SLC25A1: variants seen among roughly 807,000 people sequenced by gnomAD.
SLC25A1 encodes the protein tricarboxylate transport protein, mitochondrial.
In SLC25A1, 26 loss-of-function variants were observed where a neutral mutation model predicts 38.1. That is an observed-to-expected ratio of 0.68 (90% confidence interval 0.50 to 0.95). SLC25A1 has a LOEUF of 0.95. SLC25A1 is among the 40% of genes least tolerant of loss of function. SLC25A1 has a pLI of 0.00. For missense variants in SLC25A1, 378 were observed against 426.6 expected (o/e 0.89, Z 1.00); for synonymous variants, 211 against 183.2 (o/e 1.15, Z -1.23).
chr22:19,177,532 C>T (rs1344805803), intron 4 of SLC25A1, among the ~76,000 whole-genome samples, 195 bp downstream of exon 4: 1 of 152,250 alleles, frequency 6.6e-6, no homozygotes, highest in Non-Finnish European at 1.5e-5. Flanking sequence ...CTGCCTTTAG[C>T]ATAGACTCAG....
chr22:19,177,226 G>A (rs782444249), intron 4 of SLC25A1, 22 bp from the exon 5 acceptor site: 16 of 1,605,770 alleles, frequency 1.0e-5, no homozygotes, highest in South Asian at 9.9e-5. Context: ...AAGCAAAGGC[G>A]CAGGTTCTCG....
Position 19,176,504 on chromosome 22 carries a change from A to T in SLC25A1, c.748-10T>A. 1 of 1,613,528 alleles carries T rather than the reference A, an allele frequency of 6.2e-7. No homozygotes were observed. On this transcript the variant is annotated splice_polypyrimidine_tract_variant and intron_variant, in intron 7 of 8. Coordinates refer to ENST00000215882, the MANE Select transcript of SLC25A1 (RefSeq NM_005984.5). ...TGTGCGCCTCCAGGCCCTATGGGGG[A>T]CATCAGCAGGCAGGGGCTCAGCAGC...
At chr22:19,177,639 GC>G in intron 4 of SLC25A1, 87 bp downstream of exon 4, 1 of 1,558,666 alleles carries the variant, frequency 6.4e-7, no homozygotes, top group Non-Finnish European at 8.7e-7. Flanking sequence ...TCCCCAGCTT[GC>G]CGGTTGCCCC....
chr22:19,176,025 G>A lies in SLC25A1; in HGVS notation c.*105C>T. 1 of 874,580 alleles carries A rather than the reference G, an allele frequency of 1.1e-6. No homozygotes were observed. Among genetic ancestry groups the A allele is most frequent in the East Asian group, 2.4e-5 (1 of 40,848 alleles). The allele number at this position is 874,580 out of a possible 1,614,324, so 54.2% of individuals were successfully genotyped here. A position where few individuals can be genotyped will look rare whatever the true frequency, so the allele number is the denominator to read the frequency against. On this transcript the variant is annotated 3_prime_UTR_variant, in exon 9 of 9. Transcript: ENST00000215882. The stretch of plus-strand genomic sequence containing the variant: ...ACAGACCAGGCTACAGAGCTCGAGG[G>A]ACGTGGGAAGGGGCCTTTTGGCACT...
intron 4 of SLC25A1, 135 bp downstream of exon 4, chr22:19,177,592 G>A (rs1208706479): frequency 1.6e-6 from 2 of 1,261,780 alleles, no homozygotes; most frequent in African/African-American, 3.0e-5. Flanking sequence ...GGGCCCCGCG[G>A]TCACCCCGCC....
Position 19,178,074 on chromosome 22 carries a change from C to A in SLC25A1, c.203-33G>T, listed in dbSNP as rs1314919986. On this transcript the variant is annotated intron_variant, in intron 2 of 8. Coordinates refer to ENST00000215882, the MANE Select transcript of SLC25A1 (RefSeq NM_005984.5). The surrounding 1 kb of genome is among the most constrained non-coding windows in gnomAD (Gnocchi z 4.9). ...AGGGGGCGGTCAGGACCCCACGGCC[C>A]TCGGTGCCGCCGCCCTGGGTACCCG... The A allele has an allele frequency of 2.6e-6, 4 of 1,548,354 alleles. No homozygotes were observed. In the Admixed American group the frequency reaches 8.0e-5, roughly 31 times the overall value.
In SLC25A1 at chr22:19,178,397, C is replaced by T. The variant is rs2084007103; in HGVS notation, c.95-157G>A. On this transcript the variant is annotated intron_variant, in intron 1 of 8. Coordinates refer to ENST00000215882, the MANE Select transcript of SLC25A1 (RefSeq NM_005984.5). The surrounding 1 kb of genome is among the most constrained non-coding windows in gnomAD (Gnocchi z 4.9). ...CCCCCATGCCCTCACCCCGTTGTCCCGGCGAGGCGCAGGGGGTGACAGACG... is the reference window on the plus strand; with the variant it reads ...CCCCCATGCCCTCACCCCGTTGTCCTGGCGAGGCGCAGGGGGTGACAGACG... 6 of 1,397,336 alleles carry T rather than the reference C, an allele frequency of 4.3e-6. No homozygotes were observed. The highest frequency in any genetic ancestry group is 5.6e-6 in the Non-Finnish European group (6 of 1,079,604). The allele number at this position is 1,397,336 out of a possible 1,614,324, so 86.6% of individuals were successfully genotyped here.
In SLC25A1 at chr22:19,178,254, G is replaced by A; in HGVS notation, c.95-14C>T. 1 of 1,544,454 alleles carries A rather than the reference G, an allele frequency of 6.5e-7. No individual in the cohort carries two copies. The highest frequency in any genetic ancestry group is 1.2e-5 in the South Asian group (1 of 83,444). ...CCGCCAGGCCGCCTGCAGGGACCGG[G>A]AACCCGCTCCTGAGACTCCCGCCCG... On this transcript the variant is annotated splice_polypyrimidine_tract_variant and intron_variant, in intron 1 of 8. Coordinates refer to ENST00000215882, the MANE Select transcript of SLC25A1 (RefSeq NM_005984.5). This position sits in a 1 kb window ranked among gnomAD's most constrained non-coding sequence, Gnocchi z 4.9.
intron 6 of SLC25A1, 36 bp from the exon 7 acceptor site, chr22:19,176,729 C>A: frequency 6.3e-7 from 1 of 1,596,638 alleles, no homozygotes; most frequent in Non-Finnish European, 8.6e-7. Flanking sequence ...TCAGAGGGTG[C>A]CGGGAGGGGC....
chr22:19,176,003 G>T lies in SLC25A1; in HGVS notation c.*127C>A. ...ATGGATTTGACAGCCACAATGCACA[G>T]ACCAGGCTACAGAGCTCGAGGGACG... On this transcript the variant is annotated 3_prime_UTR_variant, in exon 9 of 9. Coordinates refer to ENST00000215882, the MANE Select transcript of SLC25A1 (RefSeq NM_005984.5). The T allele has an allele frequency of 1.4e-6, 1 of 726,876 alleles. No individual in the cohort carries two copies. Among genetic ancestry groups the T allele is most frequent in the Non-Finnish European group, 2.4e-6 (1 of 411,196 alleles). The allele number at this position is 726,876 out of a possible 1,614,324, so 45.0% of individuals were successfully genotyped here.
intron 5 of SLC25A1, 70 bp from the exon 6 acceptor site, chr22:19,177,020 G>T (rs2083972345): frequency 1.3e-6 from 2 of 1,585,216 alleles, no homozygotes; most frequent in Non-Finnish European, 8.7e-7. Context: ...TGTGTGTGGG[G>T]GGTGGGTGTT....
chr22:19,177,703 G>A lies in SLC25A1; in HGVS notation c.441+24C>T, dbSNP rs2854642. ...GTCTCCGTACTCCCTGCGTGTCCGG[G>A]GTCCTCGCCAGGACCTTCCCCACCT... On this transcript the variant is annotated intron_variant, in intron 4 of 8. Transcript: ENST00000215882. 105,126 of 1,603,680 alleles carry A rather than the reference G, an allele frequency of 0.066. 3,668 individuals are homozygous for A. Among genetic ancestry groups the A allele is most frequent in the Middle Eastern group, 0.1 (452 of 4,434 alleles).
At position 19,177,860 on chromosome 22, in the gene SLC25A1, C is replaced by G. The variant is rs782590548; in HGVS notation, c.308G>C (p.Gly103Ala). Reference sequence around the variant, plus strand: ...GTGGTTGCTGAGGAACTCGAACATTCCAAACCTGGAGGCGGGAGGCGGGTG... The same window carrying G: ...GTGGTTGCTGAGGAACTCGAACATTGCAAACCTGGAGGCGGGAGGCGGGTG... ...GSIPKAAVRF[G>A]MFEFLSNHMR... Residue 103 changes from glycine (G) to alanine (A), a missense_variant, in exon 4 of 9, where the codon GGA becomes GCA. Coordinates refer to ENST00000215882, the MANE Select transcript of SLC25A1 (RefSeq NM_005984.5). The G allele has an allele frequency of 1.2e-6, 2 of 1,606,384 alleles. No individual in the cohort carries two copies. The highest frequency in any genetic ancestry group is 1.7e-6 in the Non-Finnish European group (2 of 1,177,046).
chr22:19,177,733 G>A lies in SLC25A1; in HGVS notation c.435C>T (p.Thr145=). ...TCGCCAGGACCTTCCCCACCTTGAT[G>A]GTCTCCATGGGGCACACGACCACCA... is the stretch of plus-strand genomic sequence containing the variant. ...EAVVVVCPME[T]IKVKFIHDQT... Residue 145 remains threonine (T), a synonymous_variant, in exon 4 of 9, where the codon ACC becomes ACT. Transcript: ENST00000215882. The A allele has an allele frequency of 1.9e-6, 3 of 1,607,704 alleles. No individual in the cohort carries two copies. The highest frequency in any genetic ancestry group is 1.1e-5 in the South Asian group (1 of 90,980).
At position 19,178,120 on chromosome 22, in the gene SLC25A1, T is replaced by C; in HGVS notation, c.202+13A>G. 2.0e-6 allele frequency: 3 copies of C among 1,535,434 alleles called. No homozygotes were observed. The highest frequency in any genetic ancestry group is 1.8e-6 in the Non-Finnish European group (2 of 1,140,988). On this transcript the variant is annotated intron_variant, in intron 2 of 8. Transcript: ENST00000215882. The surrounding 1 kb of genome is among the most constrained non-coding windows in gnomAD (Gnocchi z 4.9). The stretch of plus-strand genomic sequence containing the variant: ...ACCCGCCCCCCGCGGCGCCGCGGCC[T>C]CCCCCTCCTCACCGATGCCCCGGTA...
chr22:19,178,261 C>G lies in SLC25A1; in HGVS notation c.95-21G>C. The G allele has an allele frequency of 6.5e-7, 1 of 1,543,168 alleles. No homozygotes were observed. The highest frequency in any genetic ancestry group is 8.7e-7 in the Non-Finnish European group (1 of 1,143,922). ...GCCGCCTGCAGGGACCGGGAACCCG[C>G]TCCTGAGACTCCCGCCCGGCCGCTG... On this transcript the variant is annotated intron_variant, in intron 1 of 8. Coordinates refer to ENST00000215882, the MANE Select transcript of SLC25A1 (RefSeq NM_005984.5). The surrounding 1 kb of genome is among the most constrained non-coding windows in gnomAD (Gnocchi z 4.9).
chr22:19,178,631 G>C lies in SLC25A1; in HGVS notation c.43C>G (p.Pro15Ala). 1.7e-6 allele frequency: 2 copies of C among 1,192,934 alleles called. No homozygotes were observed. The highest frequency in any genetic ancestry group is 2.1e-6 in the Non-Finnish European group (2 of 963,040). The allele number at this position is 1,192,934 out of a possible 1,614,324, so 73.9% of individuals were successfully genotyped here. A position where few individuals can be genotyped will look rare whatever the true frequency, so the allele number is the denominator to read the frequency against. ...RAPRALAAAA[P>A]ASGKAKLTHP... ...GTCAGCTTGGCCTTCCCGGACGCGG[G>C]CGCGGCGGCCGCCAGAGCGCGCGGG... is the stretch of plus-strand genomic sequence containing the variant. The change falls in exon 1 of 9, where the codon CCC (proline) becomes GCC (alanine). Residue 15 changes from proline (P) to alanine (A), a missense_variant. Physicochemically the swap from Pro to Ala is conservative, Grantham distance 27 (BLOSUM62 -1). Coordinates refer to ENST00000215882, the MANE Select transcript of SLC25A1 (RefSeq NM_005984.5). The surrounding 1 kb of genome is among the most constrained non-coding windows in gnomAD (Gnocchi z 4.9).
intron 4 of SLC25A1, among the ~76,000 whole-genome samples, 160 bp from the exon 5 acceptor site, chr22:19,177,364 C>T (rs189309750): frequency 6.7e-6 from 1 of 149,240 alleles, no homozygotes; most frequent in African/African-American, 2.4e-5. Context: ...CGGACCATGC[C>T]CCGGGACACA....
In SLC25A1 at chr22:19,177,721, C is replaced by G. The variant is rs782491754; in HGVS notation, c.441+6G>C. The G allele has an allele frequency of 1.0e-5, 16 of 1,606,492 alleles. No homozygotes were observed. The highest frequency in any genetic ancestry group is 1.7e-5 in the Admixed American group (1 of 59,954). On this transcript the variant is annotated splice_donor_region_variant and intron_variant, in intron 4 of 8. Transcript: ENST00000215882. ...TGTCCGGGGTCCTCGCCAGGACCTT[C>G]CCCACCTTGATGGTCTCCATGGGGC...
Sources: gnomAD v4.1 joint callset for allele counts (sites outside exome capture counted in the v4.1 genomes callset) on GRCh38, gnomAD v4.1.1 for gene constraint, Gnocchi (gnomAD v3.1) non-coding constraint, MANE v1.5 for transcripts, NCBI Gene and HGNC (gene_info 2026-07-23, HGNC 2026-07-21) for gene names.